The following ADAMTS20 variants were observed in gnomAD, a reference collection of about 807,000 sequenced individuals.
ADAMTS20 encodes the protein A disintegrin and metalloproteinase with thrombospondin motifs 20.
A neutral mutation model predicts 260.1 loss-of-function variants in ADAMTS20; 225 were observed. That is an observed-to-expected ratio of 0.87 (90% CI 0.78 to 0.97). ADAMTS20 has a LOEUF of 0.97. Among genes scored for constraint, ADAMTS20 ranks in the 50% least tolerant of loss-of-function variants. The pLI, the probability that ADAMTS20 is intolerant of heterozygous loss-of-function variation, is 0.00. For missense variants in ADAMTS20, 2,400 were observed against 2,337.7 expected (o/e 1.03, Z -0.55); for synonymous variants, 802 against 769.5 (o/e 1.04, Z -0.70).
intron 27 of ADAMTS20, among the ~76,000 whole-genome samples, chr12:43,426,266 T>C (rs2137297189): frequency 6.6e-6 from 1 of 152,294 alleles, no homozygotes; most frequent in Non-Finnish European, 1.5e-5. Flanking sequence ...AAAGTTTGTA[T>C]CTCTATTTGG....
At chr12:43,466,240 A>C (rs1942149601) in intron 9 of ADAMTS20, among the ~76,000 whole-genome samples, 1 of 151,992 alleles carries the variant, frequency 6.6e-6, no homozygotes, top group South Asian at 2.1e-4. Context: ...GACTTTAGCT[A>C]TTCTCTGTCC....
chr12:43,429,408 A>G (rs1426271444), intron 24 of ADAMTS20, among the ~76,000 whole-genome samples: 1 of 152,212 alleles, frequency 6.6e-6, no homozygotes, highest in East Asian at 1.9e-4. Flanking sequence ...ATATACTCAG[A>G]AAACTTCAAT....
At chr12:43,495,409 G>A (rs945076985) in intron 4 of ADAMTS20, among the ~76,000 whole-genome samples, 2 of 152,126 alleles carry the variant, frequency 1.3e-5, no homozygotes, top group Non-Finnish European at 2.9e-5. Context: ...AAATGAGATG[G>A]TCTGCAAATA....
chr12:43,544,351 A>G (rs965484747), intron 2 of ADAMTS20, among the ~76,000 whole-genome samples: 2 of 152,244 alleles, frequency 1.3e-5, no homozygotes, highest in Non-Finnish European at 2.9e-5. Flanking sequence ...GCATATATAA[A>G]TAAAAGTTAG....
At chr12:43,461,817 C>T (rs955695655) in intron 11 of ADAMTS20, among the ~76,000 whole-genome samples, 4 of 151,968 alleles carry the variant, frequency 2.6e-5, no homozygotes, top group Non-Finnish European at 4.4e-5. Context: ...CTCTTATCCA[C>T]CAAACAGAAA....
At chr12:43,477,065 A>C (rs1006212250) in intron 7 of ADAMTS20, among the ~76,000 whole-genome samples, 16 of 151,964 alleles carry the variant, frequency 1.1e-4, no homozygotes, top group African/African-American at 3.6e-4. Context: ...AAAAAAAAAA[A>C]AAAACAATTA....
intron 3 of ADAMTS20, among the ~76,000 whole-genome samples, chr12:43,523,281 G>A (rs1263852636): frequency 6.6e-6 from 1 of 152,196 alleles, no homozygotes; most frequent in Non-Finnish European, 1.5e-5. Flanking sequence ...TAAGAGTCTT[G>A]CATGCATTCC....
chr12:43,403,227 C>A (rs577063271), intron 28 of ADAMTS20, among the ~76,000 whole-genome samples: 1 of 151,936 alleles, frequency 6.6e-6, no homozygotes, highest in African/African-American at 2.4e-5. Context: ...ATTTGAGGTG[C>A]GGATTTTTTT....
chr12:43,469,133 T>G (rs1256463519), intron 7 of ADAMTS20, among the ~76,000 whole-genome samples: 1 of 152,116 alleles, frequency 6.6e-6, no homozygotes, highest in Non-Finnish European at 1.5e-5. Flanking sequence ...GTTTCTTTAC[T>G]TTTTTAAGGT....
rs768418970 is a variant in ADAMTS20 at position 43,532,047 on chromosome 12, C to A, written c.602G>T (p.Cys201Phe). Residue 201 changes from cysteine to phenylalanine, a missense_variant, in exon 3 of 39, where the codon TGC becomes TTC. Transcript: ENST00000389420. ...NNSFLQTLKYCSVSESQIKET... is the reference protein window; with the variant it reads ...NNSFLQTLKYFSVSESQIKET... ...ATTTCACAGTTTACCTGACACACTG[C>A]AATACTTCAGAGTCTGCAGAAAAGA... 1 of 1,587,896 alleles carries A rather than the reference C, an allele frequency of 6.3e-7. No individual in the cohort carries two copies. The highest frequency in any genetic ancestry group is 8.6e-7 in the Non-Finnish European group (1 of 1,166,398).
At chr12:43,469,014 G>A (rs1245901175) in intron 7 of ADAMTS20, among the ~76,000 whole-genome samples, 2 of 152,064 alleles carry the variant, frequency 1.3e-5, no homozygotes, top group Admixed American at 6.6e-5. Flanking sequence ...GAAGTATGAA[G>A]TGTTTTAACA....
intron 10 of ADAMTS20, among the ~76,000 whole-genome samples, chr12:43,464,226 T>G (rs1942113636): frequency 6.6e-6 from 1 of 152,122 alleles, no homozygotes; most frequent in South Asian, 2.1e-4. Context: ...TCCTGGTGCC[T>G]TTAAAACAAT....
chr12:43,373,743 G>A (rs1331527359), intron 36 of ADAMTS20, among the ~76,000 whole-genome samples: 44 of 132,026 alleles, frequency 3.3e-4, no homozygotes, highest in African/African-American at 1.2e-3. Flanking sequence ...GCAGTGGCGC[G>A]ATCTCGGCTC....
Position 43,425,610 on chromosome 12 carries a change from G to C in ADAMTS20, c.4188C>G (p.His1396Gln), listed in dbSNP as rs77261761. The change falls in exon 28 of 39, where the codon CAC (histidine) becomes CAG (glutamine). Residue 1396 changes from histidine to glutamine, a missense_variant. Transcript: ENST00000389420. ...GTGGCTTGTTTACAATTTCACAGTT[G>C]TGATCTTCTAATATTTGGCCATTGG... is the stretch of plus-strand genomic sequence containing the variant. ...QFPNGQILED[H>Q]NCEIVNKPPS... 11 of 1,611,022 alleles carry C rather than the reference G, an allele frequency of 6.8e-6. No individual in the cohort carries two copies. Among genetic ancestry groups the C allele is most frequent in the Non-Finnish European group, 9.3e-6 (11 of 1,178,304 alleles).
rs1439922928 is a variant in ADAMTS20 at position 43,429,581 on chromosome 12, A to G, written c.3489+36T>C. The G allele has an allele frequency of 2.1e-6, 3 of 1,437,974 alleles. No homozygotes were observed. The Admixed American group carries it at 6.5e-5, about 31-fold the overall frequency. The allele number at this position is 1,437,974 out of a possible 1,614,324, so 89.1% of individuals were successfully genotyped here. ...TTGTTGATGTCTAAAAGCTACCATA[A>G]TAGAAACACTGTATCTATTAAAGAA... On this transcript the variant is annotated intron_variant, in intron 24 of 38. Transcript: ENST00000389420.
In ADAMTS20 at chr12:43,439,746, C is replaced by G; in HGVS notation, c.2469G>C (p.Leu823Phe). ...CAGGGTTGTATAAATTACCCACACA[C>G]AACACCTCAATAAGAATATAAAAGA... ...RQEKELILQV[L>F]CVGNLYNPDV... The change falls in exon 18 of 39, where the codon TTG becomes TTC. Residue 823 changes from leucine (L) to phenylalanine (F), a missense_variant. Leu to Phe is a conservative substitution (Grantham distance 22, BLOSUM62 0). Transcript: ENST00000389420. The G allele has an allele frequency of 6.2e-7, 1 of 1,607,366 alleles. No individual in the cohort carries two copies. Among genetic ancestry groups the G allele is most frequent in the South Asian group, 1.1e-5 (1 of 89,604 alleles).
Position 43,440,083 on chromosome 12 carries a change from A to G in ADAMTS20, c.2291-14T>C. 1.3e-6 allele frequency: 2 copies of G among 1,539,770 alleles called. No homozygotes were observed. Among genetic ancestry groups the G allele is most frequent in the Non-Finnish European group, 1.8e-6 (2 of 1,142,110 alleles). Reference sequence around the variant, plus strand: ...CGTCAGATAATGCTGTAAAAGAATAAAGCATAACTCATGAAATAGTAACAC... The same window carrying G: ...CGTCAGATAATGCTGTAAAAGAATAGAGCATAACTCATGAAATAGTAACAC... On this transcript the variant is annotated splice_polypyrimidine_tract_variant and intron_variant, in intron 16 of 38. Transcript: ENST00000389420.
chr12:43,384,459 A>C (rs1049743529), intron 29 of ADAMTS20, among the ~76,000 whole-genome samples: 5 of 152,026 alleles, frequency 3.3e-5, no homozygotes, highest in African/African-American at 4.8e-5. Flanking sequence ...AATACTTGCT[A>C]ATTTTTTTTA....
At chr12:43,376,801 G>C in intron 32 of ADAMTS20, 148 bp from the exon 33 acceptor site, 2 of 866,866 alleles carry the variant, frequency 2.3e-6, no homozygotes, top group Non-Finnish European at 3.3e-6. Flanking sequence ...ACTATGCTGG[G>C]GGCTGGATAG....
Sources: gnomAD v4.1 joint callset for allele counts (sites outside exome capture counted in the v4.1 genomes callset) on GRCh38, gnomAD v4.1.1 for gene constraint, MANE v1.5 for transcripts, NCBI Gene and HGNC (gene_info 2026-07-23, HGNC 2026-07-21) for gene names.